The following TRAF3 variants were observed in gnomAD, a reference collection of about 807,000 sequenced individuals.
The protein encoded by TRAF3 is TNF receptor-associated factor 3.
TRAF3 carries 13 observed loss-of-function variants against 62.3 expected under a neutral mutation model. That is an observed-to-expected ratio of 0.21 (90% CI 0.14 to 0.33). The LOEUF is 0.33. Among genes scored for constraint, TRAF3 ranks in the 10% least tolerant of loss-of-function variants. The pLI is 1.00. For missense variants in TRAF3, 440 were observed against 741.8 expected, an observed-to-expected ratio of 0.59 and a Z score of 4.73; for synonymous variants, 269 against 283.4, an observed-to-expected ratio of 0.95 and a Z score of 0.51.
chr14:102,815,043 C>G (rs1899430626), intron 1 of TRAF3, among the ~76,000 whole-genome samples: 1 of 152,158 alleles, frequency 6.6e-6, no homozygotes, highest in Admixed American at 6.5e-5. Context: ...TCAAGGGAGC[C>G]TACTGCCTTA....
At position 102,891,328 on chromosome 14, in the gene TRAF3, A is replaced by T. The variant is rs149327017; in HGVS notation, c.730A>T (p.Thr244Ser). Residue 244 changes from threonine (T) to serine (S), a missense_variant, in exon 9 of 12, where the codon ACA (threonine) becomes TCA (serine). Physicochemically the swap from Thr to Ser is moderately conservative, Grantham distance 58 (BLOSUM62 1). Around this residue, in one of 6 missense-constraint regions of TRAF3, gnomAD observed 255 missense variants for 424.1 expected, o/e 0.60. Transcript: ENST00000392745. ...CCTCACATGTTTGCTCTCGCAGGGG[A>T]CAAACCAGCAGATCAAGGCCCACGA... ...FKRYGCVFQGTNQQIKAHEAS... is the reference protein window; with the variant it reads ...FKRYGCVFQGSNQQIKAHEAS... The T allele has an allele frequency of 1.4e-4, 218 of 1,612,750 alleles. No individual in the cohort carries two copies. The highest frequency in any genetic ancestry group is 1.8e-4 in the Non-Finnish European group (209 of 1,179,796).
intron 10 of TRAF3, among the ~76,000 whole-genome samples, chr14:102,902,167 G>T (rs1890336567): frequency 6.6e-6 from 1 of 152,266 alleles, no homozygotes; most frequent in Non-Finnish European, 1.5e-5. Flanking sequence ...GTAGCATAAA[G>T]TCAGGCCTGG....
chr14:102,802,853 G>T (rs1450690712), intron 1 of TRAF3, among the ~76,000 whole-genome samples: 1 of 152,124 alleles, frequency 6.6e-6, no homozygotes, highest in East Asian at 1.9e-4. Context: ...TCGAGACTGA[G>T]TAATTTATTA....
intron 1 of TRAF3, among the ~76,000 whole-genome samples, chr14:102,829,535 T>C (rs1900531646): frequency 6.6e-6 from 1 of 152,168 alleles, no homozygotes; most frequent in African/African-American, 2.4e-5. Context: ...AGGGGCTGGC[T>C]CATCTGTACC....
intron 10 of TRAF3, among the ~76,000 whole-genome samples, chr14:102,901,659 T>C (rs1317234143): frequency 6.6e-6 from 1 of 152,234 alleles, no homozygotes; most frequent in Non-Finnish European, 1.5e-5. Flanking sequence ...AGGTGTTCTT[T>C]AGAGAAATTA....
intron 2 of TRAF3, among the ~76,000 whole-genome samples, chr14:102,846,638 TAAAAAAAAAAAAA>T (rs752922791): frequency 2.8e-5 from 2 of 71,786 alleles, no homozygotes; most frequent in African/African-American, 1.3e-4. Context: ...TCCAGCTTCT[TAAAAAAAAAAAAA>T]AAAAAAAAAA....
At chr14:102,877,047 A>G (rs1176072546) in intron 6 of TRAF3, among the ~76,000 whole-genome samples, 1 of 150,470 alleles carries the variant, frequency 6.6e-6, no homozygotes, top group Non-Finnish European at 1.5e-5. Context: ...TCCGTTCCAC[A>G]GGCCTTAGGC....
At chr14:102,790,008 A>T (rs1897713067) in intron 1 of TRAF3, among the ~76,000 whole-genome samples, 1 of 151,884 alleles carries the variant, frequency 6.6e-6, no homozygotes, top group African/African-American at 2.4e-5. Flanking sequence ...TTGTATTTTT[A>T]GTAGAGATGG....
At chr14:102,813,228 G>A (rs1439438293) in intron 1 of TRAF3, among the ~76,000 whole-genome samples, 1 of 127,172 alleles carries the variant, frequency 7.9e-6, no homozygotes, top group Non-Finnish European at 1.8e-5. Context: ...GCCCGCCTCA[G>A]CCTCCCAAAG....
intron 1 of TRAF3, among the ~76,000 whole-genome samples, chr14:102,822,206 C>T (rs1389466136): frequency 6.6e-6 from 1 of 152,122 alleles, no homozygotes; most frequent in Non-Finnish European, 1.5e-5. Context: ...AGATTTTCCA[C>T]AGAAATATGT....
chr14:102,856,950 G>A (rs940286309), intron 2 of TRAF3, among the ~76,000 whole-genome samples: 3 of 152,162 alleles, frequency 2.0e-5, no homozygotes, highest in African/African-American at 7.2e-5. Flanking sequence ...ATTAATAAGT[G>A]TTCAGTTTAA....
At chr14:102,897,908 G>A (rs968976193) in intron 10 of TRAF3, among the ~76,000 whole-genome samples, 2 of 152,240 alleles carry the variant, frequency 1.3e-5, no homozygotes, top group African/African-American at 4.8e-5. Flanking sequence ...CCTGAATAGA[G>A]GCGATGATGT....
intron 1 of TRAF3, among the ~76,000 whole-genome samples, chr14:102,801,376 A>G (rs1418801344): frequency 6.6e-6 from 1 of 152,150 alleles, no homozygotes. Context: ...CTAAAATTCA[A>G]AAAATTCTGA....
intron 9 of TRAF3, among the ~76,000 whole-genome samples, chr14:102,897,048 T>G (rs568794718): frequency 2.0e-5 from 3 of 152,012 alleles, no homozygotes; most frequent in Non-Finnish European, 4.4e-5. Flanking sequence ...CACTCCAGCC[T>G]GGGGACAGAG....
intron 1 of TRAF3, among the ~76,000 whole-genome samples, chr14:102,792,843 T>C (rs1436340301): frequency 6.7e-6 from 1 of 149,182 alleles, no homozygotes; most frequent in African/African-American, 2.5e-5. Flanking sequence ...TGTAGTTTTC[T>C]TTTTTTTTTC....
At chr14:102,896,480 T>TA (rs1187145354) in intron 9 of TRAF3, among the ~76,000 whole-genome samples, 2 of 151,990 alleles carry the variant, frequency 1.3e-5, no homozygotes, top group African/African-American at 2.4e-5. Context: ...TGAAATGGAA[T>TA]AAAAAAAATC....
chr14:102,810,087 A>C (rs1566748694), intron 1 of TRAF3, among the ~76,000 whole-genome samples: 1 of 152,182 alleles, frequency 6.6e-6, no homozygotes, highest in Non-Finnish European at 1.5e-5. Flanking sequence ...TGAAACATAA[A>C]ATAGTTACTG....
rs750091557 is a variant in TRAF3 at position 102,891,321 on chromosome 14, G to A, written c.727-4G>A. On this transcript the variant is annotated splice_polypyrimidine_tract_variant and splice_region_variant and intron_variant, in intron 8 of 11. Transcript: ENST00000392745. The stretch of plus-strand genomic sequence containing the variant: ...CTGAATGCCTCACATGTTTGCTCTC[G>A]CAGGGGACAAACCAGCAGATCAAGG... 1.8e-5 allele frequency: 29 copies of A among 1,612,292 alleles called. No individual in the cohort carries two copies. In the Middle Eastern group the frequency reaches 1.8e-3, roughly 101 times the overall value.
chr14:102,828,745 ACTTAT>A (rs766916594), intron 1 of TRAF3, among the ~76,000 whole-genome samples: 44 of 152,308 alleles, frequency 2.9e-4, no homozygotes, highest in Non-Finnish European at 3.8e-4. Context: ...ACGTTTGAAG[ACTTAT>A]CTTATTTAGT....
Sources: allele counts gnomAD v4.1 joint callset (sites outside exome capture counted in the v4.1 genomes callset), GRCh38; gene constraint gnomAD v4.1.1; regional missense constraint gnomAD v4.1.1; transcripts MANE v1.5; gene names NCBI Gene and HGNC (gene_info 2026-07-23, HGNC 2026-07-21).